Variants in TGIF1 observed in about 807,000 individuals in gnomAD.
The protein encoded by TGIF1 is TGFB induced factor homeobox 1, also known as homeobox protein TGIF1.
TGIF1 carries 4 observed loss-of-function variants against 19.3 expected under a neutral mutation model. That is an observed-to-expected ratio of 0.21 (90% CI 0.10 to 0.47). The LOEUF (loss-of-function observed/expected upper bound fraction) is 0.47, where lower values mean the gene tolerates loss of function less well. Among genes scored for constraint, TGIF1 ranks in the 20% least tolerant of loss-of-function variants. The pLI is 0.98. For missense variants in TGIF1, 275 were observed against 341.4 expected (o/e 0.81, Z 1.53); for synonymous variants, 122 against 129.3 (o/e 0.94, Z 0.38).
rs753529856 is a variant in TGIF1, at chr18:3,452,191, C to G, written c.16+1686C>G. 8 of 1,610,886 alleles carry G rather than the reference C, an allele frequency of 5.0e-6. No homozygotes were observed. In the South Asian group the frequency reaches 5.5e-5, roughly 11 times the overall value. On this transcript the variant is annotated intron_variant, in intron 1 of 2. Transcript: ENST00000343820. The stretch of plus-strand genomic sequence containing the variant: ...GCGCCGTGGTCCTCCCTGGCGACCC[C>G]CTCTGCGCTCCTGGGGTCCTCCTGC...
chr18:3,415,479 A>G, intron 1 of TGIF1: 1 of 484,060 alleles, frequency 2.1e-6, no homozygotes, highest in Non-Finnish European at 4.1e-6. Flanking sequence ...CAACGGAAGG[A>G]GCAAGTCATG....
intron 2 of TGIF1, among the ~76,000 whole-genome samples, chr18:3,438,032 C>T (rs561954532): frequency 6.6e-6 from 1 of 151,498 alleles, no homozygotes; most frequent in Non-Finnish European, 1.5e-5. Flanking sequence ...TGCAGTGAGC[C>T]GAGATCACGC....
intron 2 of TGIF1, among the ~76,000 whole-genome samples, chr18:3,422,793 C>T (rs1318016093): frequency 6.8e-6 from 1 of 148,082 alleles, no homozygotes; most frequent in Non-Finnish European, 1.5e-5. Context: ...TGGGTTCACA[C>T]CATTCTCCTG....
rs1335466760 is a variant in TGIF1 at position 3,451,287 on chromosome 18, C to T, written c.16+782C>T. 1 of 878,500 alleles carries T rather than the reference C, an allele frequency of 1.1e-6. No individual in the cohort carries two copies. The highest frequency in any genetic ancestry group is 1.4e-6 in the Non-Finnish European group (1 of 733,160). 54.4% of individuals were successfully genotyped at this position (878,500 alleles called of 1,614,324 possible). A position where few individuals can be genotyped will look rare whatever the true frequency, so the allele number is the denominator to read the frequency against. ...GCTGTCATTGTTTCCACGAAGTGTT[C>T]TGGAAGCTTTACAACTAAAACTTGC... On this transcript the variant is annotated intron_variant, in intron 1 of 2. Transcript: ENST00000343820. This position sits in a 1 kb window ranked among gnomAD's most constrained non-coding sequence, Gnocchi z 5.4.
At chr18:3,448,373 G>T, upstream of TGIF1, 1 of 1,008,164 alleles carries the variant, frequency 9.9e-7, no homozygotes, top group Non-Finnish European at 1.2e-6. Context: ...TCTAACGGGC[G>T]GCGGGGGCGC....
rs547618416 is a variant in TGIF1 at position 3,450,896 on chromosome 18, C to G, written c.16+391C>G. Among the ~76,000 whole-genome samples, 205 of 152,094 alleles carry G rather than the reference C, an allele frequency of 1.3e-3. 1 individual carries two copies. The highest frequency in any genetic ancestry group is 4.0e-3 in the Admixed American group (61 of 15,290). On this transcript the variant is annotated intron_variant, in intron 1 of 2. Coordinates refer to ENST00000343820, the MANE Select transcript of TGIF1 (RefSeq NM_003244.4). ...GGAGGACCCAGCCCCTCGTTTTTCCCGATCCGGACCCAGGCGGCCGGGGCC... is the reference window on the plus strand; with the variant it reads ...GGAGGACCCAGCCCCTCGTTTTTCCGGATCCGGACCCAGGCGGCCGGGGCC...
intron 2 of TGIF1, among the ~76,000 whole-genome samples, chr18:3,434,576 G>A (rs2082591983): frequency 6.6e-6 from 1 of 152,016 alleles, no homozygotes; most frequent in Non-Finnish European, 1.5e-5. Flanking sequence ...TTAGCCAGGC[G>A]TGGTGGCATG....
intron 2 of TGIF1, among the ~76,000 whole-genome samples, chr18:3,422,456 TAAA>T (rs1162611998): frequency 6.6e-6 from 1 of 151,472 alleles, no homozygotes; most frequent in Non-Finnish European, 1.5e-5. Context: ...CTTTATAAAA[TAAA>T]AAAGTTATAG....
At chr18:3,450,066 G>T, upstream of TGIF1, 1 of 1,018,122 alleles carries the variant, frequency 9.8e-7, no homozygotes, top group African/African-American at 1.7e-5. Context: ...CTTCCCGGCT[G>T]GAAGGTGCGG....
In TGIF1 at chr18:3,457,117, GA is replaced by G. The variant is rs2049381228; in HGVS notation, c.244-244del. 1 of 590,032 alleles carries G rather than the reference GA, an allele frequency of 1.7e-6. No individual in the cohort carries two copies. The highest frequency in any genetic ancestry group is 3.0e-5 in the Admixed American group (1 of 33,228). 36.5% of individuals were successfully genotyped at this position (590,032 alleles called of 1,614,324 possible). Reference sequence around the variant, plus strand: ...GATTGTATGTCTTTTTCTTCGTCCTGAAAAGGTTTAAGTATGAAGAGACAAA... The same window carrying G: ...GATTGTATGTCTTTTTCTTCGTCCTGAAAGGTTTAAGTATGAAGAGACAAA... On this transcript the variant is annotated intron_variant, in intron 2 of 2. Coordinates refer to ENST00000343820, the MANE Select transcript of TGIF1 (RefSeq NM_003244.4). The surrounding 1 kb of genome is among the most constrained non-coding windows in gnomAD (Gnocchi z 4.9).
chr18:3,451,629 TG>T lies in TGIF1; in HGVS notation c.16+1130del, dbSNP rs941585470. 7.3e-6 allele frequency: 8 copies of T among 1,102,796 alleles called. No individual in the cohort carries two copies. The highest frequency in any genetic ancestry group is 6.5e-5 in the African/African-American group (4 of 61,266). 68.3% of individuals were successfully genotyped at this position (1,102,796 alleles called of 1,614,324 possible). ...GACCCGGCCCGCTGCGGGGCGTTCC[TG>T]GGGGGTAGCCTCAAGGCCAGCGGGG... On this transcript the variant is annotated intron_variant, in intron 1 of 2. Transcript: ENST00000343820. This position sits in a 1 kb window ranked among gnomAD's most constrained non-coding sequence, Gnocchi z 5.4.
chr18:3,418,831 G>A (rs2082365155), intron 2 of TGIF1: 1 of 152,304 alleles, frequency 6.6e-6, no homozygotes, highest in African/African-American at 2.4e-5. Context: ...GCCAAGGTGG[G>A]CGGATCACCT....
In TGIF1 at chr18:3,450,376, C is replaced by T. The variant is rs2082866075; in HGVS notation, c.-114C>T. ...TTTAGCAATAACGGCTGGAGCACGTCCTACAAGTTACGGGAGAGTCGGCTG... is the reference window on the plus strand; with the variant it reads ...TTTAGCAATAACGGCTGGAGCACGTTCTACAAGTTACGGGAGAGTCGGCTG... On this transcript the variant is annotated 5_prime_UTR_variant, in exon 1 of 3. Coordinates refer to ENST00000343820, the MANE Select transcript of TGIF1 (RefSeq NM_003244.4). 5.9e-6 allele frequency: 9 copies of T among 1,537,346 alleles called. No homozygotes were observed. Among genetic ancestry groups the T allele is most frequent in the African/African-American group, 1.4e-5 (1 of 72,874 alleles).
chr18:3,432,359 C>T (rs1045795882), intron 2 of TGIF1, among the ~76,000 whole-genome samples: 2 of 152,176 alleles, frequency 1.3e-5, no homozygotes, highest in African/African-American at 4.8e-5. Flanking sequence ...TTACTCAATA[C>T]AGTGCGTGAT....
At position 3,459,965 on chromosome 18, in the gene TGIF1, A is replaced by C. The variant is rs945253721; in HGVS notation, c.*2025A>C. ...TTACATGGTGCAATATATCTTTTTA[A>C]TTTGTTTACTTTTCACCTATTTGTG... is the stretch of plus-strand genomic sequence containing the variant. On this transcript the variant is annotated 3_prime_UTR_variant, in exon 3 of 3. Transcript: ENST00000343820. 6.6e-6 allele frequency: 1 copy of C among 152,124 alleles called. No homozygotes were observed. 9.4% of individuals were successfully genotyped at this position (152,124 alleles called of 1,614,324 possible). A position where few individuals can be genotyped will look rare whatever the true frequency, so the allele number is the denominator to read the frequency against.
chr18:3,448,003 A>AGC, upstream of TGIF1: 1 of 954,758 alleles, frequency 1.0e-6, no homozygotes, highest in Non-Finnish European at 1.2e-6. Flanking sequence ...ACATAATGAG[A>AGC]GCCACCGCGT....
chr18:3,447,951 T>C (rs1598887464), upstream of TGIF1: 7 of 872,786 alleles, frequency 8.0e-6, no homozygotes, highest in Non-Finnish European at 9.6e-6. Context: ...ATCGCAGTCA[T>C]TAGCCAAGTC....
chr18:3,422,688 T>G (rs12958856), intron 2 of TGIF1, among the ~76,000 whole-genome samples: 1,173 of 31,948 alleles, frequency 0.037, 64 homozygotes, highest in African/African-American at 0.043. Flanking sequence ...TTTTTTTTTT[T>G]TTTTTTTTTT....
chr18:3,430,388 T>A (rs1267363731), intron 2 of TGIF1, among the ~76,000 whole-genome samples: 1 of 152,236 alleles, frequency 6.6e-6, no homozygotes, highest in African/African-American at 2.4e-5. Context: ...GGAGTTTTTA[T>A]TAATAAAAAT....
Sources: allele counts gnomAD v4.1 joint callset (sites outside exome capture counted in the v4.1 genomes callset), GRCh38; gene constraint gnomAD v4.1.1; non-coding constraint Gnocchi (gnomAD v3.1); transcripts MANE v1.5; gene names NCBI Gene and HGNC (gene_info 2026-07-23, HGNC 2026-07-21).